Variants in MDFIC2 observed in about 807,000 individuals in gnomAD.
The protein encoded by MDFIC2 is MyoD family inhibitor domain containing 2.
rs1445717932 is a variant in MDFIC2 at position 70,196,839 on chromosome 3, C to G, written c.*87G>C. ...ATCCAAGAAATGTGTACAGTCCTTA[C>G]ATTTCAGCACATGGAAATCAGTCTT... On this transcript the variant is annotated 3_prime_UTR_variant, in exon 4 of 4. Transcript: ENST00000567252. 5.0e-6 allele frequency: 2 copies of G among 397,524 alleles called. No homozygotes were observed. The highest frequency in any genetic ancestry group is 4.1e-5 in the African/African-American group (2 of 48,598). 24.6% of individuals were successfully genotyped at this position (397,524 alleles called of 1,614,324 possible).
chr3:70,281,000 C>T (rs372084830), intron 2 of MDFIC2, among the ~76,000 whole-genome samples: 10 of 152,228 alleles, frequency 6.6e-5, no homozygotes, highest in African/African-American at 1.4e-4. Flanking sequence ...GTTAAACTTA[C>T]GTATAAAAAA....
At chr3:70,294,272 T>G (rs543836255) in intron 2 of MDFIC2, among the ~76,000 whole-genome samples, 3,024 of 152,264 alleles carry the variant, frequency 0.02, 35 homozygotes, top group Non-Finnish European at 0.03. Flanking sequence ...TATAAAACAT[T>G]TTCTTTTTTG....
rs1702015496 is a variant in MDFIC2 at position 70,275,508 on chromosome 3, C to T, written c.88+36378G>A. Among the ~76,000 whole-genome samples, 4 of 152,200 alleles carry T rather than the reference C, an allele frequency of 2.6e-5. No individual in the cohort carries two copies. The South Asian group carries it at 6.2e-4, about 24-fold the overall frequency. On this transcript the variant is annotated intron_variant, in intron 2 of 3. Coordinates refer to ENST00000567252, the MANE Select transcript of MDFIC2 (RefSeq NM_001364677.1). ...CCAGAGCCTAGGTGGCAAAGCAAGA[C>T]CCTGTCTCAAAAAATAAAACAAAAC... is the stretch of plus-strand genomic sequence containing the variant.
chr3:70,204,727 T>G (rs1244182052), intron 3 of MDFIC2: 1 of 152,024 alleles, frequency 6.6e-6, no homozygotes, highest in East Asian at 1.9e-4. Flanking sequence ...TTGGGCCCTT[T>G]CCTGATAATA....
At chr3:70,292,919 A>C (rs1702252565) in intron 2 of MDFIC2, among the ~76,000 whole-genome samples, 1 of 152,004 alleles carries the variant, frequency 6.6e-6, no homozygotes, top group Non-Finnish European at 1.5e-5. Context: ...TATGATTTGA[A>C]ATTATCTAAC....
At chr3:70,275,836 T>G (rs1270448186) in intron 2 of MDFIC2, among the ~76,000 whole-genome samples, 2 of 152,230 alleles carry the variant, frequency 1.3e-5, no homozygotes, top group African/African-American at 4.8e-5. Flanking sequence ...AGAACTTTTC[T>G]GCTAAAATAT....
chr3:70,298,209 A>T (rs1047655833), intron 2 of MDFIC2, among the ~76,000 whole-genome samples: 1 of 152,114 alleles, frequency 6.6e-6, no homozygotes, highest in African/African-American at 2.4e-5. Context: ...AGCCATGCAA[A>T]AATATATTGC....
chr3:70,288,854 C>G (rs1447336611), intron 2 of MDFIC2, among the ~76,000 whole-genome samples: 2 of 151,458 alleles, frequency 1.3e-5, no homozygotes, highest in African/African-American at 2.4e-5. Flanking sequence ...GGTTTAAAGT[C>G]TGTTTTATCA....
intron 2 of MDFIC2, among the ~76,000 whole-genome samples, chr3:70,292,788 G>A (rs543631415): frequency 5.3e-5 from 8 of 151,736 alleles, no homozygotes; most frequent in African/African-American, 7.2e-5. Context: ...TTTTCTTTTC[G>A]TGGTTACACA....
intron 2 of MDFIC2, among the ~76,000 whole-genome samples, chr3:70,234,702 T>TA (rs1301629889): frequency 8.6e-5 from 13 of 152,004 alleles, no homozygotes; most frequent in Admixed American, 8.5e-4. Flanking sequence ...TGGACACACA[T>TA]ACATCTACTT....
chr3:70,302,819 A>T (rs1445002034), intron 2 of MDFIC2: 1 of 152,170 alleles, frequency 6.6e-6, no homozygotes, highest in Non-Finnish European at 1.5e-5. Flanking sequence ...GAAGCCTGAC[A>T]TGGCATCTTG....
In MDFIC2 at chr3:70,196,179, T is replaced by C. The variant is rs941811996; in HGVS notation, c.*747A>G. On this transcript the variant is annotated 3_prime_UTR_variant, in exon 4 of 4. Transcript: ENST00000567252. ...GAAACTTGCACATAATTCTCATTTATGCTTATTAGAATAACTAAGAGCCTT... is the reference window on the plus strand; with the variant it reads ...GAAACTTGCACATAATTCTCATTTACGCTTATTAGAATAACTAAGAGCCTT... Among the ~76,000 whole-genome samples, 3 of 152,350 alleles carry C rather than the reference T, an allele frequency of 2.0e-5. No homozygotes were observed. In the South Asian group the frequency reaches 6.2e-4, roughly 32 times the overall value.
At chr3:70,243,381 A>C (rs1215724633) in intron 2 of MDFIC2, among the ~76,000 whole-genome samples, 3 of 152,064 alleles carry the variant, frequency 2.0e-5, no homozygotes, top group Non-Finnish European at 4.4e-5. Flanking sequence ...TAGGTAATGA[A>C]TTGTATTATT....
chr3:70,243,971 C>T (rs2106643838), intron 2 of MDFIC2, among the ~76,000 whole-genome samples: 1 of 152,260 alleles, frequency 6.6e-6, no homozygotes, highest in East Asian at 1.9e-4. Context: ...TTCTGATCTG[C>T]TAATTATCTC....
At chr3:70,248,402 T>A (rs1440525333) in intron 2 of MDFIC2, among the ~76,000 whole-genome samples, 7 of 152,032 alleles carry the variant, frequency 4.6e-5, no homozygotes, top group Non-Finnish European at 8.8e-5. Context: ...AAGTGTTGGG[T>A]TATGAAGCAG....
rs6774441 is a variant in MDFIC2 at position 70,235,085 on chromosome 3, C to T, written c.89-28295G>A. On this transcript the variant is annotated intron_variant, in intron 2 of 3. Transcript: ENST00000567252. The stretch of plus-strand genomic sequence containing the variant: ...TGATTGCACTTTGCTGCAGAATGTC[C>T]TTGTTCCTTTATGTTTTTTTCCAAC... Among the ~76,000 whole-genome samples the T allele has an allele frequency of 3.0e-3, 453 of 152,262 alleles. 1 individual carries two copies. Among genetic ancestry groups the T allele is most frequent in the African/African-American group, 0.011 (439 of 41,558 alleles).
Position 70,196,905 on chromosome 3 carries a change from G to C in MDFIC2, c.*21C>G, listed in dbSNP as rs556241083. 4 of 398,452 alleles carry C rather than the reference G, an allele frequency of 1.0e-5. No homozygotes were observed. The highest frequency in any genetic ancestry group is 1.8e-5 in the Non-Finnish European group (4 of 225,970). The allele number at this position is 398,452 out of a possible 1,614,324, so 24.7% of individuals were successfully genotyped here. ...CCCACCGTGGCCAAAAGGACTGCCG[G>C]AATGTGGTTACTTCACTGTGCTAGC... On this transcript the variant is annotated 3_prime_UTR_variant, in exon 4 of 4. Transcript: ENST00000567252.
intron 2 of MDFIC2, among the ~76,000 whole-genome samples, chr3:70,220,951 G>A (rs774892929): frequency 6.6e-6 from 1 of 152,156 alleles, no homozygotes; most frequent in Non-Finnish European, 1.5e-5. Context: ...GAATGTAGTA[G>A]CTATGCATCA....
At chr3:70,295,161 G>T (rs1198044276) in intron 2 of MDFIC2, among the ~76,000 whole-genome samples, 1 of 152,146 alleles carries the variant, frequency 6.6e-6, no homozygotes, top group Admixed American at 6.5e-5. Context: ...CCCTGGAAAT[G>T]CATGACTGCC....
Sources: gnomAD v4.1 joint callset for allele counts (sites outside exome capture counted in the v4.1 genomes callset) on GRCh38, gnomAD v4.1.1 for gene constraint, MANE v1.5 for transcripts, NCBI Gene and HGNC (gene_info 2026-07-23, HGNC 2026-07-21) for gene names.